Variants in HECTD2 observed in about 807,000 individuals in gnomAD.
HECTD2 encodes the protein probable E3 ubiquitin-protein ligase HECTD2.
A neutral mutation model predicts 103.2 loss-of-function variants in HECTD2; 35 were observed. The ratio of observed to expected loss-of-function variants is 0.34; its 90% CI spans 0.26 to 0.45. The LOEUF (loss-of-function observed/expected upper bound fraction) is 0.45, where lower values mean the gene tolerates loss of function less well. HECTD2 is among the 20% of genes least tolerant of loss of function. The pLI, the probability that HECTD2 is intolerant of heterozygous loss-of-function variation, is 1.00. For synonymous variants in HECTD2, 281 were observed against 329.9 expected, an observed-to-expected ratio of 0.85 and a Z score of 1.61; for missense variants, 596 against 937.4, an observed-to-expected ratio of 0.64 and a Z score of 4.76.
chr10:91,504,983 A>C (rs923642778), intron 20 of HECTD2, among the ~76,000 whole-genome samples: 5 of 152,222 alleles, frequency 3.3e-5, no homozygotes, highest in Non-Finnish European at 7.3e-5. Flanking sequence ...CAACATTCTT[A>C]AAGAATTTTC....
At chr10:91,483,846 T>A (rs1303447405) in intron 8 of HECTD2, among the ~76,000 whole-genome samples, 2 of 151,908 alleles carry the variant, frequency 1.3e-5, no homozygotes, top group African/African-American at 4.8e-5. Context: ...ATTGATTCAT[T>A]ATCATTGAAC....
intron 2 of HECTD2, among the ~76,000 whole-genome samples, chr10:91,429,118 T>A (rs1352594007): frequency 2.0e-5 from 3 of 151,894 alleles, no homozygotes; most frequent in East Asian, 3.8e-4. Flanking sequence ...AGGCCTTTTC[T>A]GCATCTATTG....
intron 14 of HECTD2, among the ~76,000 whole-genome samples, chr10:91,494,988 A>G (rs942210616): frequency 1.7e-4 from 26 of 151,968 alleles, no homozygotes; most frequent in African/African-American, 6.3e-4. Flanking sequence ...ATTAGTTTCT[A>G]TTTAGTCATT....
chr10:91,498,303 TC>T, intron 16 of HECTD2, 121 bp downstream of exon 16: 1 of 688,216 alleles, frequency 1.5e-6, no homozygotes. Flanking sequence ...CATACAATCC[TC>T]TGTCTTAAAG....
intron 5 of HECTD2, among the ~76,000 whole-genome samples, chr10:91,470,821 C>G (rs531783570): frequency 2.0e-5 from 3 of 152,152 alleles, no homozygotes; most frequent in African/African-American, 7.2e-5. Context: ...AGCCCAGAAC[C>G]AAGTGGATTC....
At chr10:91,504,903 A>G (rs1422573152) in intron 20 of HECTD2, among the ~76,000 whole-genome samples, 1 of 152,258 alleles carries the variant, frequency 6.6e-6, no homozygotes, top group East Asian at 1.9e-4. Context: ...CTCAAAGAGA[A>G]GCCCATCAGA....
intron 1 of HECTD2, among the ~76,000 whole-genome samples, chr10:91,421,033 T>TC (rs545518389): frequency 4.7e-4 from 71 of 152,094 alleles, no homozygotes; most frequent in Middle Eastern, 3.4e-3. Flanking sequence ...TTTGCATTCT[T>TC]CCCCCCCTCA....
chr10:91,409,906 C>T (rs780515404), upstream of HECTD2, among the ~76,000 whole-genome samples: 6 of 152,180 alleles, frequency 3.9e-5, no homozygotes, highest in Non-Finnish European at 8.8e-5. Flanking sequence ...CAGGGCCGTC[C>T]GTGAAGGGTA....
intron 5 of HECTD2, among the ~76,000 whole-genome samples, chr10:91,471,347 A>T (rs893815349): frequency 6.6e-6 from 1 of 152,214 alleles, no homozygotes; most frequent in Non-Finnish European, 1.5e-5. Flanking sequence ...GTCTGTGACA[A>T]ACCCACAGCC....
chr10:91,510,146 T>C (rs1847364166), intron 20 of HECTD2, among the ~76,000 whole-genome samples: 1 of 152,142 alleles, frequency 6.6e-6, no homozygotes, highest in South Asian at 2.1e-4. Context: ...TAGAATAAAG[T>C]CCATGGAGAA....
At chr10:91,508,828 T>C (rs1426455533) in intron 20 of HECTD2, among the ~76,000 whole-genome samples, 1 of 152,084 alleles carries the variant, frequency 6.6e-6, no homozygotes, top group South Asian at 2.1e-4. Flanking sequence ...GGCACACATA[T>C]GTTTATTGCG....
At chr10:91,440,282 T>G (rs112489054) in intron 2 of HECTD2, among the ~76,000 whole-genome samples, 8 of 152,292 alleles carry the variant, frequency 5.3e-5, no homozygotes, top group African/African-American at 1.9e-4. Context: ...GTTTTTAGCA[T>G]GAATGGGGTG....
intron 20 of HECTD2, among the ~76,000 whole-genome samples, chr10:91,510,615 G>A (rs1229921618): frequency 2.0e-5 from 3 of 152,170 alleles, no homozygotes; most frequent in African/African-American, 4.8e-5. Flanking sequence ...TAAATAACTC[G>A]GGAAATGTTA....
intron 5 of HECTD2, among the ~76,000 whole-genome samples, chr10:91,471,783 T>G (rs1319759589): frequency 1.3e-5 from 2 of 152,110 alleles, no homozygotes; most frequent in Non-Finnish European, 2.9e-5. Context: ...CAATGAGAAT[T>G]ACAAAACACT....
chr10:91,423,074 CT>C (rs1268175039), intron 1 of HECTD2, among the ~76,000 whole-genome samples: 5 of 152,132 alleles, frequency 3.3e-5, no homozygotes, highest in Non-Finnish European at 7.4e-5. Flanking sequence ...CAACATACAT[CT>C]ATAAAAGTAG....
rs1843890820 is a variant in HECTD2 at position 91,431,841 on chromosome 10, C to T, written c.268+6431C>T. 1.3e-5 allele frequency among the ~76,000 whole-genome samples: 2 copies of T among 152,018 alleles called. 1 individual carries two copies. The highest frequency in any genetic ancestry group is 4.1e-4 in the South Asian group (2 of 4,828). ...TTGGTTTGAATTTCCTCCTGTAGCT[C>T]GGAGTAGTTTGATTGTCTGAAGCCT... On this transcript the variant is annotated intron_variant, in intron 2 of 20. Coordinates refer to ENST00000298068, the MANE Select transcript of HECTD2 (RefSeq NM_182765.6).
intron 2 of HECTD2, among the ~76,000 whole-genome samples, chr10:91,450,064 T>G (rs934275105): frequency 6.6e-6 from 1 of 152,136 alleles, no homozygotes; most frequent in Non-Finnish European, 1.5e-5. Flanking sequence ...AGAGCCCATA[T>G]AGTCAAGACA....
chr10:91,468,359 C>T (rs1475497825), intron 5 of HECTD2, among the ~76,000 whole-genome samples: 1 of 152,100 alleles, frequency 6.6e-6, no homozygotes, highest in Non-Finnish European at 1.5e-5. Context: ...CTTTATACCA[C>T]AATCAAACCC....
chr10:91,499,515 G>A (rs1846809291), intron 18 of HECTD2, among the ~76,000 whole-genome samples: 1 of 152,120 alleles, frequency 6.6e-6, no homozygotes, highest in Non-Finnish European at 1.5e-5. Flanking sequence ...AATGATTAAG[G>A]AACATATGTA....
Sources: allele counts gnomAD v4.1 joint callset (sites outside exome capture counted in the v4.1 genomes callset), GRCh38; gene constraint gnomAD v4.1.1; transcripts MANE v1.5; gene names NCBI Gene and HGNC (gene_info 2026-07-23, HGNC 2026-07-21).